GULP1: variants seen among roughly 807,000 people sequenced by gnomAD.
GULP1 encodes PTB domain-containing engulfment adapter protein 1.
In GULP1, 19 loss-of-function variants were observed where a neutral mutation model predicts 40.9. The ratio of observed to expected loss-of-function variants is 0.46; its 90% confidence interval spans 0.32 to 0.68. GULP1 has a LOEUF of 0.68. Ranked by LOEUF, GULP1 falls within the 30% of genes least tolerant of loss-of-function variation. The pLI is 0.03. For synonymous variants in GULP1, 119 were observed against 117.6 expected, an observed-to-expected ratio of 1.01 and a Z score of -0.08; for missense variants, 312 against 362.2, an observed-to-expected ratio of 0.86 and a Z score of 1.12.
intron 7 of GULP1, among the ~76,000 whole-genome samples, chr2:188,562,261 A>T (rs761933390): frequency 2.8e-4 from 43 of 152,290 alleles, no homozygotes; most frequent in South Asian, 6.2e-4. Context: ...AGTTGGGAGC[A>T]TTGAGGGGCT....
At chr2:188,322,237 T>C (rs1253542341) in intron 1 of GULP1, among the ~76,000 whole-genome samples, 1 of 152,150 alleles carries the variant, frequency 6.6e-6, no homozygotes, top group East Asian at 1.9e-4. Flanking sequence ...ATACACAGTG[T>C]TCTCTATACA....
At chr2:188,426,294 G>T (rs1028511802) in intron 2 of GULP1, among the ~76,000 whole-genome samples, 1 of 152,116 alleles carries the variant, frequency 6.6e-6, no homozygotes, top group Non-Finnish European at 1.5e-5. Flanking sequence ...AGATAAGATC[G>T]CTAGAGTTAA....
intron 1 of GULP1, among the ~76,000 whole-genome samples, chr2:188,320,878 T>A (rs1244206844): frequency 6.6e-6 from 1 of 151,478 alleles, no homozygotes; most frequent in Non-Finnish European, 1.5e-5. Flanking sequence ...GACATGTTAA[T>A]CTTTGAAATT....
intron 2 of GULP1, among the ~76,000 whole-genome samples, chr2:188,458,858 A>G (rs1408734830): frequency 1.3e-5 from 2 of 151,822 alleles, no homozygotes; most frequent in African/African-American, 2.4e-5. Flanking sequence ...TCTGCTTCCC[A>G]TATCTGATAC....
intron 2 of GULP1, among the ~76,000 whole-genome samples, chr2:188,419,835 C>A (rs549717695): frequency 6.6e-6 from 1 of 152,026 alleles, no homozygotes; most frequent in South Asian, 2.1e-4. Flanking sequence ...AATTTTGAGT[C>A]GTATGTTTAA....
At chr2:188,560,564 C>A (rs918515742) in intron 7 of GULP1, among the ~76,000 whole-genome samples, 1 of 152,212 alleles carries the variant, frequency 6.6e-6, no homozygotes, top group African/African-American at 2.4e-5. Context: ...AGTTTTATAG[C>A]AATGCCCCAG....
At position 188,416,992 on chromosome 2, in the gene GULP1, C is replaced by CT. The variant is rs749653956; in HGVS notation, c.-45+33106dup. 3.3e-5 allele frequency among the ~76,000 whole-genome samples: 5 copies of CT among 152,236 alleles called. No individual in the cohort carries two copies. In the South Asian group the frequency reaches 1.0e-3, roughly 32 times the overall value. On this transcript the variant is annotated intron_variant, in intron 2 of 11. Coordinates refer to ENST00000409830, the MANE Select transcript of GULP1 (RefSeq NM_016315.4). Reference sequence around the variant, plus strand: ...AAATTTTAGATACCTGGAAAATACTCTTTGTCTACATCAGGAAGTTTTTCA... The same window carrying CT: ...AAATTTTAGATACCTGGAAAATACTCTTTTGTCTACATCAGGAAGTTTTTCA...
At chr2:188,525,887 A>T (rs1376643263) in intron 5 of GULP1, among the ~76,000 whole-genome samples, 1 of 152,216 alleles carries the variant, frequency 6.6e-6, no homozygotes, top group Non-Finnish European at 1.5e-5. Context: ...TTTAGAGCTT[A>T]ATTTAATTAT....
At chr2:188,467,861 C>T (rs1324631128) in intron 2 of GULP1, among the ~76,000 whole-genome samples, 4 of 152,040 alleles carry the variant, frequency 2.6e-5, no homozygotes, top group Admixed American at 6.6e-5. Context: ...TCAGAGGCTG[C>T]CTGTCATAGA....
At chr2:188,407,392 G>A (rs114683751) in intron 2 of GULP1, among the ~76,000 whole-genome samples, 2 of 152,272 alleles carry the variant, frequency 1.3e-5, no homozygotes, top group African/African-American at 4.8e-5. Context: ...TAAATCACCT[G>A]TATTTTCAGT....
intron 2 of GULP1, among the ~76,000 whole-genome samples, chr2:188,397,593 GACTA>G (rs369342416): frequency 3.3e-5 from 5 of 152,122 alleles, no homozygotes; most frequent in African/African-American, 7.2e-5. Flanking sequence ...CATTGTCACT[GACTA>G]ACTTAGTCTT....
At chr2:188,314,788 G>C (rs74942205) in intron 1 of GULP1, among the ~76,000 whole-genome samples, 1,611 of 152,184 alleles carry the variant, frequency 0.011, 36 homozygotes, top group African/African-American at 0.036. Context: ...AGAAATAAAC[G>C]ATTCTTGTTT....
At chr2:188,545,387 T>C (rs766665319) in intron 7 of GULP1, among the ~76,000 whole-genome samples, 3 of 151,902 alleles carry the variant, frequency 2.0e-5, no homozygotes, top group Non-Finnish European at 4.4e-5. Context: ...GATGTGATTT[T>C]AAATCTGATG....
At chr2:188,403,828 AAG>A in intron 2 of GULP1, among the ~76,000 whole-genome samples, 1 of 152,312 alleles carries the variant, frequency 6.6e-6, no homozygotes, top group South Asian at 2.1e-4. Context: ...AGGAGCAATC[AAG>A]TATTCAAACC....
chr2:188,499,133 GTGTATATATATATATATATATATATA>G (rs2063184755), intron 4 of GULP1, among the ~76,000 whole-genome samples: 2 of 120,716 alleles, frequency 1.7e-5, no homozygotes, highest in Non-Finnish European at 3.4e-5. Context: ...ATATATGTGT[GTGTATATATATATATATATATATATA>G]TATATATATA....
At chr2:188,303,227 T>A (rs924057332) in intron 1 of GULP1, among the ~76,000 whole-genome samples, 1 of 152,202 alleles carries the variant, frequency 6.6e-6, no homozygotes. Context: ...TAGGGAGATA[T>A]ATATCTCTTT....
intron 2 of GULP1, among the ~76,000 whole-genome samples, chr2:188,409,834 A>G (rs1311480466): frequency 1.3e-5 from 2 of 152,212 alleles, no homozygotes; most frequent in Non-Finnish European, 2.9e-5. Context: ...GTAATATAAT[A>G]CAACATAGTA....
intron 2 of GULP1, among the ~76,000 whole-genome samples, chr2:188,446,078 A>G (rs1034106263): frequency 6.6e-6 from 1 of 152,080 alleles, no homozygotes; most frequent in African/African-American, 2.4e-5. Context: ...ACCCATATTC[A>G]TTTCCCTACT....
chr2:188,394,600 C>A (rs1440675518), intron 2 of GULP1, among the ~76,000 whole-genome samples: 1 of 151,980 alleles, frequency 6.6e-6, no homozygotes, highest in East Asian at 1.9e-4. Context: ...TATTATAGAA[C>A]CCTGTTTTGT....
Sources: gnomAD v4.1 joint callset for allele counts (sites outside exome capture counted in the v4.1 genomes callset) on GRCh38, gnomAD v4.1.1 for gene constraint, MANE v1.5 for transcripts, NCBI Gene and HGNC (gene_info 2026-07-23, HGNC 2026-07-21) for gene names.